Variants in ATE1 observed in about 807,000 individuals in gnomAD.
ATE1 encodes the protein arginyl-tRNA--protein transferase 1.
In ATE1, 36 loss-of-function variants were observed where a neutral mutation model predicts 70.5. That is an observed-to-expected ratio of 0.51 (90% confidence interval 0.39 to 0.67). The LOEUF is 0.67. ATE1 is among the 30% of genes least tolerant of loss of function. ATE1 has a pLI of 0.00. For synonymous variants in ATE1, 232 were observed against 219.3 expected, an observed-to-expected ratio of 1.06 and a Z score of -0.51; for missense variants, 593 against 629.5, an observed-to-expected ratio of 0.94 and a Z score of 0.62.
chr10:121,866,533 G>A (rs1365971135), intron 8 of ATE1, among the ~76,000 whole-genome samples: 1 of 152,092 alleles, frequency 6.6e-6, no homozygotes, highest in Non-Finnish European at 1.5e-5. Context: ...CTTAACCAGA[G>A]TAGTAATATG....
chr10:121,845,925 CTTTG>C (rs1425739833), intron 8 of ATE1, among the ~76,000 whole-genome samples: 2 of 152,106 alleles, frequency 1.3e-5, no homozygotes, highest in Non-Finnish European at 2.9e-5. Flanking sequence ...ACACATATTT[CTTTG>C]TTCTGTCAGC....
At chr10:121,762,104 T>C (rs999735007) in intron 11 of ATE1, among the ~76,000 whole-genome samples, 1 of 152,202 alleles carries the variant, frequency 6.6e-6, no homozygotes, top group Admixed American at 6.5e-5. Context: ...GTTTCTGTCT[T>C]CGTCACCTTC....
intron 7 of ATE1, 94 bp from the exon 8 acceptor site, chr10:121,870,132 A>G: frequency 1.6e-6 from 2 of 1,222,484 alleles, no homozygotes; most frequent in Non-Finnish European, 2.4e-6. Flanking sequence ...ACAATTTTCC[A>G]GTAAATCCAC....
chr10:121,789,881 A>C (rs1946364993), intron 11 of ATE1, among the ~76,000 whole-genome samples: 1 of 152,192 alleles, frequency 6.6e-6, no homozygotes, highest in Admixed American at 6.5e-5. Context: ...GTTGGAAAAG[A>C]TATGGATATT....
intron 10 of ATE1, among the ~76,000 whole-genome samples, chr10:121,816,622 C>G (rs183715704): frequency 9.2e-5 from 14 of 152,330 alleles, no homozygotes; most frequent in African/African-American, 3.4e-4. Context: ...ATCTTGAAAG[C>G]AGAGACAGCA....
chr10:121,776,171 G>C (rs1023522797), intron 11 of ATE1, among the ~76,000 whole-genome samples: 4 of 152,084 alleles, frequency 2.6e-5, no homozygotes, highest in African/African-American at 9.7e-5. Context: ...CTCTGTGTTA[G>C]GAACATTCCA....
intron 11 of ATE1, among the ~76,000 whole-genome samples, chr10:121,779,956 C>T (rs976977337): frequency 6.6e-6 from 1 of 152,176 alleles, no homozygotes; most frequent in Non-Finnish European, 1.5e-5. Context: ...GCTTCCTCTT[C>T]CCTCTCTGGC....
In ATE1 at chr10:121,740,492, A is replaced by G. The variant is rs538031934; in HGVS notation, c.*3188T>C. The G allele has an allele frequency of 1.4e-4, 21 of 152,014 alleles. No individual in the cohort carries two copies. In the South Asian group the frequency reaches 4.4e-3, roughly 32 times the overall value. The allele number at this position is 152,014 out of a possible 1,614,324, so 9.4% of individuals were successfully genotyped here. On this transcript the variant is annotated 3_prime_UTR_variant, in exon 12 of 12. Transcript: ENST00000224652. ...AATAGCTTGTTCAAAAAGCATATAC[A>G]AGAGCAAAAAATACCACATGCAGTC... is the stretch of plus-strand genomic sequence containing the variant.
intron 7 of ATE1, among the ~76,000 whole-genome samples, chr10:121,880,394 T>A (rs549685890): frequency 3.3e-5 from 5 of 152,134 alleles, no homozygotes; most frequent in South Asian, 2.1e-4. Flanking sequence ...CATCTATGCA[T>A]CCCTAGTATC....
chr10:121,763,026 T>C lies in ATE1; in HGVS notation c.1379-19168A>G, dbSNP rs968283141. On this transcript the variant is annotated intron_variant, in intron 11 of 11. Transcript: ENST00000224652. ...TACTGCATATGACGTGAGGGCAGGA[T>C]ACTACAGTGTACAATTTGCCTTTTA... Among the ~76,000 whole-genome samples, 10 of 152,240 alleles carry C rather than the reference T, an allele frequency of 6.6e-5. No individual in the cohort carries two copies. In the East Asian group the frequency reaches 1.7e-3, roughly 26 times the overall value.
In ATE1 at chr10:121,818,965, G is replaced by A. The variant is rs187289037; in HGVS notation, c.1257+17753C>T. Among the ~76,000 whole-genome samples, 520 of 152,202 alleles carry A rather than the reference G, an allele frequency of 3.4e-3. 7 individuals are homozygous for A. Among genetic ancestry groups the A allele is most frequent in the African/African-American group, 0.012 (483 of 41,536 alleles). On this transcript the variant is annotated intron_variant, in intron 10 of 11. Transcript: ENST00000224652. ...TACCATTTTTTTAAATCAAGAAACC[G>A]AACTTGACCTAGCAATCACAATAAT...
intron 3 of ATE1, among the ~76,000 whole-genome samples, chr10:121,920,048 T>G (rs1235145956): frequency 6.6e-6 from 1 of 151,974 alleles, no homozygotes; most frequent in Non-Finnish European, 1.5e-5. Flanking sequence ...ACAAAAAAAC[T>G]AATGGACAAA....
intron 7 of ATE1, among the ~76,000 whole-genome samples, chr10:121,882,076 G>A (rs1243634905): frequency 2.6e-5 from 4 of 152,150 alleles, no homozygotes; most frequent in African/African-American, 9.7e-5. Context: ...GATTACAGGC[G>A]TGAGCCACCG....
At chr10:121,804,416 G>A (rs951799239) in intron 10 of ATE1, among the ~76,000 whole-genome samples, 10 of 152,056 alleles carry the variant, frequency 6.6e-5, no homozygotes, top group African/African-American at 7.2e-5. Context: ...TAGAGATACC[G>A]AAATAGCATA....
chr10:121,776,122 T>C (rs1015914850), intron 11 of ATE1, among the ~76,000 whole-genome samples: 2 of 152,196 alleles, frequency 1.3e-5, no homozygotes, highest in African/African-American at 4.8e-5. Flanking sequence ...AATGATAAAG[T>C]CAGGGTAATC....
chr10:121,852,182 T>TAA (rs1949080815), intron 8 of ATE1, among the ~76,000 whole-genome samples: 1 of 152,230 alleles, frequency 6.6e-6, no homozygotes, highest in African/African-American at 2.4e-5. Flanking sequence ...CTTCAGGGGC[T>TAA]TTAAGAGAGC....
chr10:121,805,072 G>C (rs965759025), intron 10 of ATE1, among the ~76,000 whole-genome samples: 3 of 152,118 alleles, frequency 2.0e-5, no homozygotes, highest in Non-Finnish European at 2.9e-5. Flanking sequence ...AAGCATCTGA[G>C]TCTTCTCTTT....
intron 7 of ATE1, among the ~76,000 whole-genome samples, chr10:121,895,974 G>C (rs541869710): frequency 6.6e-6 from 1 of 151,312 alleles, no homozygotes; most frequent in East Asian, 1.9e-4. Flanking sequence ...TATACATTTT[G>C]CTGGGTGTAA....
At chr10:121,904,503 T>C (rs1951111576) in intron 5 of ATE1, among the ~76,000 whole-genome samples, 1 of 150,888 alleles carries the variant, frequency 6.6e-6, no homozygotes, top group African/African-American at 2.4e-5. Flanking sequence ...GAAGCAGGCA[T>C]GGTGGCGCAC....
Sources: gnomAD v4.1 joint callset for allele counts (sites outside exome capture counted in the v4.1 genomes callset) on GRCh38, gnomAD v4.1.1 for gene constraint, MANE v1.5 for transcripts, NCBI Gene and HGNC (gene_info 2026-07-23, HGNC 2026-07-21) for gene names.